The following GRIK3 variants were observed in gnomAD, a reference collection of about 807,000 sequenced individuals.
GRIK3 encodes glutamate ionotropic receptor kainate type subunit 3.
Under a neutral mutation model 102.5 loss-of-function variants are expected in GRIK3, and 29 were observed. The observed-to-expected ratio is 0.28, with a 90% CI of 0.21 to 0.39. GRIK3 has a LOEUF of 0.39. GRIK3 is among the 10% of genes least tolerant of loss of function. GRIK3 has a pLI of 1.00. For missense variants in GRIK3, 908 were observed against 1,252.4 expected (o/e 0.73, Z 4.15); for synonymous variants, 511 against 504.9 (o/e 1.01, Z -0.16).
chr1:36,834,184 C>T (rs892318752), intron 10 of GRIK3, among the ~76,000 whole-genome samples: 6 of 152,160 alleles, frequency 3.9e-5, no homozygotes, highest in Non-Finnish European at 8.8e-5. Context: ...ACTGCTGTGT[C>T]CACGGCTGCT....
chr1:36,930,430 T>C (rs1045449356), intron 1 of GRIK3, among the ~76,000 whole-genome samples: 17 of 152,148 alleles, frequency 1.1e-4, no homozygotes, highest in Non-Finnish European at 2.5e-4. Flanking sequence ...GAATCATAAA[T>C]CCTAAGTGTC....
intron 12 of GRIK3, among the ~76,000 whole-genome samples, chr1:36,817,873 T>C (rs950215515): frequency 6.6e-6 from 1 of 152,198 alleles, no homozygotes; most frequent in African/African-American, 2.4e-5. Context: ...ATACAAATGG[T>C]ATACAAATAC....
At chr1:36,830,779 C>A (rs1640268051) in intron 10 of GRIK3, among the ~76,000 whole-genome samples, 1 of 144,780 alleles carries the variant, frequency 6.9e-6, no homozygotes, top group African/African-American at 2.6e-5. Context: ...TCACTGCACT[C>A]CAGCCTGGGT....
At chr1:36,818,143 C>T (rs901725040) in intron 12 of GRIK3, among the ~76,000 whole-genome samples, 6 of 152,238 alleles carry the variant, frequency 3.9e-5, no homozygotes, top group African/African-American at 1.4e-4. Context: ...AAAGAAGTCA[C>T]TCAAGGGAGA....
At chr1:36,871,525 G>A (rs1640843606) in intron 4 of GRIK3, among the ~76,000 whole-genome samples, 1 of 152,236 alleles carries the variant, frequency 6.6e-6, no homozygotes, top group South Asian at 2.1e-4. Flanking sequence ...GGTTTCCGCT[G>A]TGGCACCCTT....
In GRIK3 at chr1:36,795,859, G is replaced by A. The variant is rs1444792921; in HGVS notation, c.*5992C>T. On this transcript the variant is annotated 3_prime_UTR_variant, in exon 16 of 16. Transcript: ENST00000373091. ...TGGTCTGGGTGGTGGGACAGGTCTA[G>A]GGTCTCAGAGGCCCATGGTGCTCCC... 1 of 152,248 alleles carries A rather than the reference G, an allele frequency of 6.6e-6. No individual in the cohort carries two copies. Among genetic ancestry groups the A allele is most frequent in the Non-Finnish European group, 1.5e-5 (1 of 68,058 alleles). 9.4% of individuals were successfully genotyped at this position (152,248 alleles called of 1,614,324 possible).
chr1:36,924,152 C>T (rs935460708), intron 1 of GRIK3, among the ~76,000 whole-genome samples: 3 of 152,242 alleles, frequency 2.0e-5, no homozygotes, highest in South Asian at 4.1e-4. Context: ...TTTTAATCCA[C>T]AAAATCGGTT....
In GRIK3 at chr1:37,034,429, C is replaced by A. The variant is rs2124100609; in HGVS notation, c.-321G>T. On this transcript the variant is annotated 5_prime_UTR_variant, in exon 1 of 16. Coordinates refer to ENST00000373091, the MANE Select transcript of GRIK3 (RefSeq NM_000831.4). ...CTCCCGCGCGGGCTCCCACCTGCCC[C>A]GGCTGCCGGGCTCTGGCGGGCGGGC... Among the ~76,000 whole-genome samples, 1 of 151,298 alleles carries A rather than the reference C, an allele frequency of 6.6e-6. No homozygotes were observed. Among genetic ancestry groups the A allele is most frequent in the African/African-American group, 2.4e-5 (1 of 41,434 alleles).
Position 36,799,860 on chromosome 1 carries a change from T to A in GRIK3, c.*1991A>T, listed in dbSNP as rs1642420633. 6.6e-6 allele frequency: 1 copy of A among 152,438 alleles called. No individual in the cohort carries two copies. Among genetic ancestry groups the A allele is most frequent in the South Asian group, 2.1e-4 (1 of 4,836 alleles). 9.4% of individuals were successfully genotyped at this position (152,438 alleles called of 1,614,324 possible). The stretch of plus-strand genomic sequence containing the variant: ...ATGTTATATGTCCAGATCTGTCCTG[T>A]GCCCCAGCCCCCGAAGCTCACACAT... On this transcript the variant is annotated 3_prime_UTR_variant, in exon 16 of 16. Coordinates refer to ENST00000373091, the MANE Select transcript of GRIK3 (RefSeq NM_000831.4).
At chr1:36,811,156 C>G (rs1642557152) in intron 13 of GRIK3, among the ~76,000 whole-genome samples, 1 of 152,102 alleles carries the variant, frequency 6.6e-6, no homozygotes, top group African/African-American at 2.4e-5. Context: ...ACAGAGCATG[C>G]CCCTAAGGCT....
chr1:36,801,529 G>A lies in GRIK3; in HGVS notation c.*322C>T. On this transcript the variant is annotated 3_prime_UTR_variant, in exon 16 of 16. Transcript: ENST00000373091. ...TTCCATTTTCTGTGCCCTCTGCAGG[G>A]CTGCGGCAGAAACTTCTGACTCTGG... 1 of 248,440 alleles carries A rather than the reference G, an allele frequency of 4.0e-6. No individual in the cohort carries two copies. The highest frequency in any genetic ancestry group is 7.7e-6 in the Non-Finnish European group (1 of 129,828). The allele number at this position is 248,440 out of a possible 1,614,324, so 15.4% of individuals were successfully genotyped here.
chr1:37,006,317 A>T (rs1365307130), intron 1 of GRIK3, among the ~76,000 whole-genome samples: 1 of 152,198 alleles, frequency 6.6e-6, no homozygotes, highest in African/African-American at 2.4e-5. Flanking sequence ...TGACCTCGAT[A>T]ACGCAACGAG....
intron 13 of GRIK3, among the ~76,000 whole-genome samples, chr1:36,814,730 C>G (rs1642605172): frequency 6.6e-6 from 1 of 151,984 alleles, no homozygotes; most frequent in Non-Finnish European, 1.5e-5. Context: ...CTGCACAGGC[C>G]ATTACACACA....
chr1:36,920,020 C>T (rs1305241995), intron 1 of GRIK3, among the ~76,000 whole-genome samples: 3 of 152,204 alleles, frequency 2.0e-5, no homozygotes, highest in Admixed American at 2.0e-4. Flanking sequence ...GTGTGTCCCA[C>T]CCCAGGCTCA....
chr1:36,923,199 G>A (rs1022681989), intron 1 of GRIK3, among the ~76,000 whole-genome samples: 2 of 152,224 alleles, frequency 1.3e-5, no homozygotes, highest in Non-Finnish European at 2.9e-5. Flanking sequence ...AAAAATGTAC[G>A]TATCAGCGCT....
chr1:36,828,958 C>G (rs958316771), intron 10 of GRIK3, among the ~76,000 whole-genome samples: 4 of 152,190 alleles, frequency 2.6e-5, no homozygotes, highest in Middle Eastern at 3.2e-3. Flanking sequence ...TTGAAACCTC[C>G]CTGCCATTCT....
chr1:36,850,535 GATC>G lies in GRIK3; in HGVS notation c.1213-114_1213-112del, dbSNP rs1570759508. Reference sequence around the variant, plus strand: ...CATTCATCATGAGCCTCATTGTCATGATCATCATCATCATCACCACTGCCATTG... The same window carrying G: ...CATTCATCATGAGCCTCATTGTCATGATCATCATCATCACCACTGCCATTG... On this transcript the variant is annotated intron_variant, in intron 8 of 15. Coordinates refer to ENST00000373091, the MANE Select transcript of GRIK3 (RefSeq NM_000831.4). This position sits in a 1 kb window ranked among gnomAD's most constrained non-coding sequence, Gnocchi z 4.0. The G allele has an allele frequency of 9.8e-5, 67 of 686,858 alleles. No individual in the cohort carries two copies. The highest frequency in any genetic ancestry group is 1.1e-4 in the Non-Finnish European group (42 of 377,282). The allele number at this position is 686,858 out of a possible 1,614,324, so 42.5% of individuals were successfully genotyped here. A position where few individuals can be genotyped will look rare whatever the true frequency, so the allele number is the denominator to read the frequency against.
chr1:36,821,254 A>T (rs1043517598), intron 11 of GRIK3, among the ~76,000 whole-genome samples: 1 of 152,256 alleles, frequency 6.6e-6, no homozygotes, highest in Non-Finnish European at 1.5e-5. Context: ...CAAGACAGGG[A>T]TCTTCAAAGG....
chr1:37,033,453 G>A (rs1402985847), intron 1 of GRIK3, among the ~76,000 whole-genome samples: 1 of 152,198 alleles, frequency 6.6e-6, no homozygotes, highest in African/African-American at 2.4e-5. Flanking sequence ...GGGCTGAACC[G>A]GTACCACCGA....
Sources: gnomAD v4.1 joint callset for allele counts (sites outside exome capture counted in the v4.1 genomes callset) on GRCh38, gnomAD v4.1.1 for gene constraint, Gnocchi (gnomAD v3.1) non-coding constraint, MANE v1.5 for transcripts, NCBI Gene and HGNC (gene_info 2026-07-23, HGNC 2026-07-21) for gene names.